The following ANKS1B variants were observed in gnomAD, a reference collection of about 807,000 sequenced individuals.
ANKS1B encodes ankyrin repeat and sterile alpha motif domain containing 1B, also known as ankyrin repeat and sterile alpha motif domain-containing protein 1B.
A neutral mutation model predicts 148.3 loss-of-function variants in ANKS1B; 36 were observed. The observed-to-expected ratio is 0.24, with a 90% confidence interval of 0.19 to 0.32. The LOEUF is 0.32. Ranked by LOEUF, ANKS1B falls within the 10% of genes least tolerant of loss-of-function variation. The probability of loss-of-function intolerance (pLI) is 1.00; values close to 1 mark genes in which losing one functional copy is unlikely to be tolerated. For missense variants in ANKS1B, 1,157 were observed against 1,542.6 expected (o/e 0.75, Z 4.19); for synonymous variants, 542 against 560.8 (o/e 0.97, Z 0.47).
chr12:99,438,350 C>A (rs1055391654), intron 11 of ANKS1B, among the ~76,000 whole-genome samples: 2 of 151,786 alleles, frequency 1.3e-5, no homozygotes, highest in Non-Finnish European at 2.9e-5. Flanking sequence ...TTGAATTTTA[C>A]GAATGAGAAT....
chr12:99,679,890 T>C (rs1174681286), intron 8 of ANKS1B, among the ~76,000 whole-genome samples: 4 of 152,170 alleles, frequency 2.6e-5, no homozygotes, highest in African/African-American at 9.7e-5. Context: ...GAGACTCACA[T>C]TGTAAACTTT....
At position 98,992,563 on chromosome 12, in the gene ANKS1B, G is replaced by A. The variant is rs527392985; in HGVS notation, c.2778+60594C>T. Among the ~76,000 whole-genome samples the A allele has an allele frequency of 1.9e-3, 289 of 152,136 alleles. 2 individuals are homozygous for A. Among genetic ancestry groups the A allele is most frequent in the Non-Finnish European group, 2.8e-3 (188 of 68,012 alleles). The stretch of plus-strand genomic sequence containing the variant: ...TGAGGAAGGTGCCTGCTTCCCCTTC[G>A]CCTTCTGCTATGATTGTAAGTTTCC... On this transcript the variant is annotated intron_variant, in intron 17 of 26. Transcript: ENST00000683438.
chr12:99,494,050 G>C (rs751637243), intron 10 of ANKS1B, among the ~76,000 whole-genome samples: 12 of 152,274 alleles, frequency 7.9e-5, no homozygotes, highest in Non-Finnish European at 1.3e-4. Flanking sequence ...CATCACAATA[G>C]AGAAGGAGCA....
intron 12 of ANKS1B, among the ~76,000 whole-genome samples, chr12:99,335,440 T>C (rs143821568): frequency 6.6e-6 from 1 of 150,728 alleles, no homozygotes; most frequent in African/African-American, 2.5e-5. Context: ...TATCAAATAC[T>C]AGATCCTATT....
chr12:98,914,832 C>T (rs2099791994), intron 17 of ANKS1B, among the ~76,000 whole-genome samples: 1 of 152,286 alleles, frequency 6.6e-6, no homozygotes, highest in South Asian at 2.1e-4. Flanking sequence ...TCCTTGACCA[C>T]TCTATTTGAA....
rs187760269 is a variant in ANKS1B, at chr12:99,338,960, G to C, written c.1756+60671C>G. Among the ~76,000 whole-genome samples the C allele has an allele frequency of 4.6e-5, 7 of 152,254 alleles. 1 individual carries two copies. Among genetic ancestry groups the C allele is most frequent in the Admixed American group, 3.9e-4 (6 of 15,296 alleles). On this transcript the variant is annotated intron_variant, in intron 12 of 26. Transcript: ENST00000683438. ...TCTCGTCTCCTAAAGTGAAAGGAAG[G>C]AGTCTCTCTCAGAACTGTGGGCTTC...
chr12:99,893,563 GT>G (rs762669150), intron 1 of ANKS1B, among the ~76,000 whole-genome samples: 21 of 151,838 alleles, frequency 1.4e-4, no homozygotes, highest in Non-Finnish European at 2.8e-4. Context: ...TAAATTACTT[GT>G]TTTATTAAAA....
Position 99,984,284 on chromosome 12 carries a change from T to TGCAA in ANKS1B, c.-48_-47insTTGC. 1 of 1,402,306 alleles carries TGCAA rather than the reference T, an allele frequency of 7.1e-7. No homozygotes were observed. The highest frequency in any genetic ancestry group is 9.5e-7 in the Non-Finnish European group (1 of 1,049,364). 86.9% of individuals were successfully genotyped at this position (1,402,306 alleles called of 1,614,324 possible). On this transcript the variant is annotated 5_prime_UTR_variant, in exon 1 of 27. Transcript: ENST00000683438. ...CAGAGTCCTTGCCCCCCTCGGGTCC[T>TGCAA]CCTCCCCACCCACCCCCACTCCCCA...
intron 19 of ANKS1B, among the ~76,000 whole-genome samples, chr12:98,827,594 T>A (rs1347081529): frequency 6.6e-6 from 1 of 152,156 alleles, no homozygotes; most frequent in Non-Finnish European, 1.5e-5. Context: ...AGGCAGCATG[T>A]AAGGGTGCAG....
chr12:98,929,355 A>G (rs996959649), intron 17 of ANKS1B, among the ~76,000 whole-genome samples: 1 of 152,074 alleles, frequency 6.6e-6, no homozygotes, highest in African/African-American at 2.4e-5. Flanking sequence ...TACTCCCCCA[A>G]ATTGATCTAC....
intron 12 of ANKS1B, among the ~76,000 whole-genome samples, chr12:99,292,330 A>AAATAAC (rs2154009609): frequency 7.1e-6 from 1 of 139,896 alleles, no homozygotes; most frequent in African/African-American, 2.8e-5. Flanking sequence ...TCTCTACTAA[A>AAATAAC]AATAAAAATA....
rs568339867 is a variant in ANKS1B, at chr12:99,180,415, T to C, written c.2420-26020A>G. ...AACAGATATTCTAAATAAATGGTGA[T>C]TATAGGAATCAGACATGTAATTTTT... On this transcript the variant is annotated intron_variant, in intron 14 of 26. Transcript: ENST00000683438. Among the ~76,000 whole-genome samples the C allele has an allele frequency of 3.3e-5, 5 of 152,294 alleles. No individual in the cohort carries two copies. The South Asian group carries it at 1.0e-3, about 32-fold the overall frequency.
chr12:99,183,997 T>A (rs1232241392), intron 14 of ANKS1B, among the ~76,000 whole-genome samples: 1 of 152,196 alleles, frequency 6.6e-6, no homozygotes. Context: ...TCACTTATAA[T>A]ATCAAATATA....
intron 17 of ANKS1B, among the ~76,000 whole-genome samples, chr12:98,859,947 A>G (rs1009263311): frequency 1.3e-5 from 2 of 152,206 alleles, no homozygotes; most frequent in Non-Finnish European, 2.9e-5. Flanking sequence ...AAAAAACTTT[A>G]TTGCACAGAC....
chr12:99,547,395 C>T (rs1427294659), intron 9 of ANKS1B, among the ~76,000 whole-genome samples: 1 of 151,946 alleles, frequency 6.6e-6, no homozygotes, highest in Non-Finnish European at 1.5e-5. Flanking sequence ...AGAGATGATC[C>T]AACCCCTAAT....
intron 24 of ANKS1B, among the ~76,000 whole-genome samples, chr12:98,775,261 T>C (rs1211471519): frequency 3.3e-5 from 5 of 152,182 alleles, no homozygotes; most frequent in Non-Finnish European, 7.3e-5. Context: ...TGCTCTGTGA[T>C]TTTTATTGCA....
chr12:99,666,939 T>C (rs1341842455), intron 8 of ANKS1B, among the ~76,000 whole-genome samples: 5 of 151,762 alleles, frequency 3.3e-5, no homozygotes, highest in Non-Finnish European at 5.9e-5. Context: ...ATTTCAAGTA[T>C]ACAATGTGAT....
At chr12:99,134,700 C>CACACACA in intron 15 of ANKS1B, among the ~76,000 whole-genome samples, 2 of 134,480 alleles carry the variant, frequency 1.5e-5, no homozygotes, top group Admixed American at 7.7e-5. Context: ...CACACACACA[C>CACACACA]CAGGCATTTA....
chr12:98,951,371 T>A (rs1289307698), intron 17 of ANKS1B, among the ~76,000 whole-genome samples: 1 of 152,166 alleles, frequency 6.6e-6, no homozygotes, highest in African/African-American at 2.4e-5. Flanking sequence ...AACACTGCTG[T>A]CCCCATTTTA....
Sources: gnomAD v4.1 joint callset for allele counts (sites outside exome capture counted in the v4.1 genomes callset) on GRCh38, gnomAD v4.1.1 for gene constraint, MANE v1.5 for transcripts, NCBI Gene and HGNC (gene_info 2026-07-23, HGNC 2026-07-21) for gene names.